Variants in PRKD3 observed in about 807,000 individuals in gnomAD.
The protein encoded by PRKD3 is serine/threonine-protein kinase D3.
Under a neutral mutation model 99.2 loss-of-function variants are expected in PRKD3, and 47 were observed. That is an observed-to-expected ratio of 0.47 (90% CI 0.38 to 0.60). The LOEUF (loss-of-function observed/expected upper bound fraction) is 0.60, where lower values mean the gene tolerates loss of function less well. PRKD3 is among the 20% of genes least tolerant of loss of function. The probability of loss-of-function intolerance (pLI) is 0.00; values close to 1 mark genes in which losing one functional copy is unlikely to be tolerated. For synonymous variants in PRKD3, 392 were observed against 355.4 expected (o/e 1.10, Z -1.16); for missense variants, 1,019 against 1,088.4 (o/e 0.94, Z 0.90).
chr2:37,256,101 G>GTA (rs1372595875), intron 17 of PRKD3, among the ~76,000 whole-genome samples: 1 of 152,142 alleles, frequency 6.6e-6, no homozygotes, highest in Non-Finnish European at 1.5e-5. Flanking sequence ...GAACTTTATA[G>GTA]ATGAGCCACA....
intron 14 of PRKD3, among the ~76,000 whole-genome samples, chr2:37,262,538 A>G (rs1668543637): frequency 1.3e-5 from 2 of 152,244 alleles, no homozygotes; most frequent in Admixed American, 1.3e-4. Context: ...TTTATAGTAG[A>G]TAAATGAAAC....
chr2:37,309,126 A>C (rs1479621464), intron 2 of PRKD3, among the ~76,000 whole-genome samples: 1 of 152,206 alleles, frequency 6.6e-6, no homozygotes, highest in Non-Finnish European at 1.5e-5. Flanking sequence ...GAACATAAGA[A>C]GACGCATTCA....
chr2:37,257,122 T>C (rs146773410), intron 16 of PRKD3, among the ~76,000 whole-genome samples, 193 bp from the exon 17 acceptor site: 29 of 152,332 alleles, frequency 1.9e-4, no homozygotes, highest in African/African-American at 6.3e-4. Context: ...CCTGTGATCC[T>C]GACTGACACA....
At position 37,277,915 on chromosome 2, in the gene PRKD3, G is replaced by T; in HGVS notation, c.1247C>A (p.Thr416Lys). The change falls in exon 9 of 19, where the codon ACA becomes AAA. Residue 416 changes from threonine to lysine, a missense_variant. By Grantham distance (78) the Thr-to-Lys change is moderately conservative. Coordinates refer to ENST00000234179, the MANE Select transcript of PRKD3 (RefSeq NM_005813.6). ...GACCATCCACCCTTCCTTCACCATT[G>T]TGCTGCTCTTCCTCTTTGTGTGCTT... is the stretch of plus-strand genomic sequence containing the variant. Reference protein sequence around the residue: ...SIKHTKRKSSTMVKEGWMVHY... With the variant: ...SIKHTKRKSSKMVKEGWMVHY... 6.2e-7 allele frequency: 1 copy of T among 1,613,598 alleles called. No individual in the cohort carries two copies. Among genetic ancestry groups the T allele is most frequent in the Non-Finnish European group, 8.5e-7 (1 of 1,179,686 alleles).
At position 37,260,210 on chromosome 2, in the gene PRKD3, G is replaced by T; in HGVS notation, c.2046+13C>A. ...TTAATCGCTAGTTTAAAAAAAAAAA[G>T]GAGTTAAAATACCTGTGTGACCATG... is the stretch of plus-strand genomic sequence containing the variant. On this transcript the variant is annotated intron_variant, in intron 15 of 18. Coordinates refer to ENST00000234179, the MANE Select transcript of PRKD3 (RefSeq NM_005813.6). 6.4e-7 allele frequency: 1 copy of T among 1,557,316 alleles called. No individual in the cohort carries two copies. Among genetic ancestry groups the T allele is most frequent in the Non-Finnish European group, 8.7e-7 (1 of 1,152,564 alleles).
At chr2:37,290,755 A>T (rs1200873966) in intron 4 of PRKD3, 113 bp downstream of exon 4, 25 of 1,217,836 alleles carry the variant, frequency 2.1e-5, no homozygotes, top group Non-Finnish European at 2.9e-5. Context: ...TCCAATTCTA[A>T]ATCCTCGTTA....
intron 2 of PRKD3, among the ~76,000 whole-genome samples, chr2:37,298,250 G>T (rs1037601915): frequency 6.6e-6 from 1 of 152,126 alleles, no homozygotes; most frequent in Non-Finnish European, 1.5e-5. Flanking sequence ...CAACAGTGTT[G>T]CCAGTTTTCT....
intron 2 of PRKD3, among the ~76,000 whole-genome samples, chr2:37,306,746 C>T (rs2124882010): frequency 1.3e-5 from 2 of 152,250 alleles, no homozygotes; most frequent in South Asian, 4.1e-4. Flanking sequence ...GAGGTCAAGG[C>T]TGCAGTGAGC....
At chr2:37,288,812 T>C (rs1401228747) in intron 5 of PRKD3, among the ~76,000 whole-genome samples, 1 of 152,038 alleles carries the variant, frequency 6.6e-6, no homozygotes, top group Non-Finnish European at 1.5e-5. Flanking sequence ...TCCCAGAACT[T>C]TGGGAGGCCG....
intron 14 of PRKD3, among the ~76,000 whole-genome samples, chr2:37,261,826 C>T (rs1253279336): frequency 6.6e-6 from 1 of 152,198 alleles, no homozygotes; most frequent in Non-Finnish European, 1.5e-5. Flanking sequence ...AATGGTTCAA[C>T]TTACAATTTT....
In PRKD3 at chr2:37,317,149, A is replaced by T. The variant is rs1006355098; in HGVS notation, c.-625T>A. ...TCATTAGATGAATGGGTCCATCGAGAAAAGCTGATGCTTTCTGACATATAG... is the reference window on the plus strand; with the variant it reads ...TCATTAGATGAATGGGTCCATCGAGTAAAGCTGATGCTTTCTGACATATAG... On this transcript the variant is annotated 5_prime_UTR_variant, in exon 2 of 19. Coordinates refer to ENST00000234179, the MANE Select transcript of PRKD3 (RefSeq NM_005813.6). 6.1e-6 allele frequency: 6 copies of T among 985,124 alleles called. No individual in the cohort carries two copies. Among genetic ancestry groups the T allele is most frequent in the Non-Finnish European group, 7.2e-6 (6 of 829,638 alleles). The allele number at this position is 985,124 out of a possible 1,614,324, so 61.0% of individuals were successfully genotyped here.
intron 16 of PRKD3, 57 bp from the exon 17 acceptor site, chr2:37,256,986 T>A (rs1459069255): frequency 2.2e-5 from 35 of 1,560,388 alleles, no homozygotes; most frequent in African/African-American, 2.2e-4. Context: ...TGTAACTACC[T>A]GTCCCTAAAT....
intron 1 of PRKD3, among the ~76,000 whole-genome samples, chr2:37,323,840 C>A (rs758637991): frequency 6.6e-6 from 1 of 152,164 alleles, no homozygotes; most frequent in Non-Finnish European, 1.5e-5. Context: ...CACCGATAGT[C>A]TTATTTCCTG....
At position 37,292,655 on chromosome 2, in the gene PRKD3, C is replaced by G. The variant is rs146539257; in HGVS notation, c.427+478G>C. On this transcript the variant is annotated intron_variant, in intron 3 of 18. Transcript: ENST00000234179. ...GCCACCGCGCCAGGCCTTTCTTTTG[C>G]TTTTTTAAAGAGACGAGTCTCGCTC... Among the ~76,000 whole-genome samples, 758 of 150,240 alleles carry G rather than the reference C, an allele frequency of 5.0e-3. 4 individuals carry two copies. The highest frequency in any genetic ancestry group is 0.017 in the African/African-American group (711 of 40,866).
chr2:37,302,698 T>C (rs926591733), intron 2 of PRKD3, among the ~76,000 whole-genome samples: 1 of 152,166 alleles, frequency 6.6e-6, no homozygotes, highest in African/African-American at 2.4e-5. Context: ...ATTATCTGAA[T>C]GAATAATTTA....
chr2:37,315,629 G>T (rs904279693), intron 2 of PRKD3, among the ~76,000 whole-genome samples: 1 of 152,160 alleles, frequency 6.6e-6, no homozygotes, highest in African/African-American at 2.4e-5. Context: ...GAAAACAAAT[G>T]AGATTTCTTA....
At chr2:37,319,466 T>C (rs1291178400) in intron 1 of PRKD3, among the ~76,000 whole-genome samples, 1 of 152,188 alleles carries the variant, frequency 6.6e-6, no homozygotes, top group African/African-American at 2.4e-5. Context: ...TAAACTAAAA[T>C]TAAACTGAAA....
chr2:37,268,275 C>T (rs1429841013), intron 13 of PRKD3: 6 of 469,274 alleles, frequency 1.3e-5, no homozygotes, highest in Middle Eastern at 6.5e-4. Context: ...CAAATGTGTG[C>T]ATTTTTGGTA....
At chr2:37,262,680 T>C (rs972905936) in intron 14 of PRKD3, among the ~76,000 whole-genome samples, 1 of 140,576 alleles carries the variant, frequency 7.1e-6, no homozygotes, top group Admixed American at 7.7e-5. Context: ...TCTATGCTTT[T>C]TCCCCCCTGC....
Sources: allele counts gnomAD v4.1 joint callset (sites outside exome capture counted in the v4.1 genomes callset), GRCh38; gene constraint gnomAD v4.1.1; transcripts MANE v1.5; gene names NCBI Gene and HGNC (gene_info 2026-07-23, HGNC 2026-07-21).